KAZN: variants seen among roughly 807,000 people sequenced by gnomAD.
KAZN encodes the protein kazrin.
In KAZN, 40 loss-of-function variants were observed where a neutral mutation model predicts 87.4. That is an observed-to-expected ratio of 0.46 (90% CI 0.36 to 0.60). KAZN has a LOEUF of 0.60. Among genes scored for constraint, KAZN ranks in the 20% least tolerant of loss-of-function variants. The probability of loss-of-function intolerance (pLI) is 0.00; values close to 1 mark genes in which losing one functional copy is unlikely to be tolerated. For synonymous variants in KAZN, 466 were observed against 458.3 expected, an observed-to-expected ratio of 1.02 and a Z score of -0.22; for missense variants, 898 against 1,073.9, an observed-to-expected ratio of 0.84 and a Z score of 2.29.
intron 2 of KAZN, among the ~76,000 whole-genome samples, chr1:14,570,383 A>G (rs1402823415): frequency 1.3e-5 from 2 of 152,048 alleles, no homozygotes; most frequent in Non-Finnish European, 2.9e-5. Context: ...GTACCTTTTT[A>G]CCCTCCTCCT....
intron 1 of KAZN, among the ~76,000 whole-genome samples, chr1:14,658,985 T>C (rs1638980904): frequency 6.6e-6 from 1 of 152,202 alleles, no homozygotes; most frequent in South Asian, 2.1e-4. Flanking sequence ...ACGCCTGTAA[T>C]CTCAGCACTT....
chr1:14,866,073 A>C (rs1651419579), intron 1 of KAZN, among the ~76,000 whole-genome samples: 1 of 152,100 alleles, frequency 6.6e-6, no homozygotes, highest in African/African-American at 2.4e-5. Flanking sequence ...TTGTTATAGC[A>C]GCCCTGGGAA....
intron 1 of KAZN, among the ~76,000 whole-genome samples, chr1:14,133,385 G>GAAAGAAAT (rs1645038540): frequency 4.0e-5 from 1 of 24,826 alleles, no homozygotes; most frequent in Non-Finnish European, 6.1e-5. Flanking sequence ...AAAAAAGAAA[G>GAAAGAAAT]AAAGAAAGAA....
intron 1 of KAZN, chr1:14,924,654 C>A: frequency 1.2e-6 from 1 of 806,488 alleles, no homozygotes. Context: ...CGAGGGCGCT[C>A]GGAGCCGGGA....
chr1:14,414,703 G>C lies in KAZN; in HGVS notation c.250-184280G>C, dbSNP rs541994601. 2.6e-5 allele frequency among the ~76,000 whole-genome samples: 4 copies of C among 152,212 alleles called. No individual in the cohort carries two copies. In the South Asian group the frequency reaches 8.3e-4, roughly 32 times the overall value. On this transcript the variant is annotated intron_variant, in intron 2 of 16. Transcript: ENST00000636203. ...AGGGATGATAAACATCAATCCCTCTGGGAGAGTTGGAGGAGAATAAGATCA... is the reference window on the plus strand; with the variant it reads ...AGGGATGATAAACATCAATCCCTCTCGGAGAGTTGGAGGAGAATAAGATCA...
intron 1 of KAZN, among the ~76,000 whole-genome samples, chr1:14,693,611 T>C (rs1641443109): frequency 6.6e-6 from 1 of 152,216 alleles, no homozygotes; most frequent in African/African-American, 2.4e-5. Context: ...TGACCTTCCC[T>C]CTTCTTCCAT....
chr1:14,422,289 G>C (rs899634513), intron 2 of KAZN, among the ~76,000 whole-genome samples: 1 of 152,178 alleles, frequency 6.6e-6, no homozygotes, highest in Admixed American at 6.5e-5. Context: ...TCAGCTATCT[G>C]CCCTAAAAAC....
chr1:14,483,747 C>T (rs1441780759), intron 2 of KAZN, among the ~76,000 whole-genome samples: 2 of 152,164 alleles, frequency 1.3e-5, no homozygotes, highest in Non-Finnish European at 2.9e-5. Flanking sequence ...GTTTCCTTTG[C>T]TGTACAGAGA....
chr1:14,536,139 C>T (rs1352467368), intron 2 of KAZN, among the ~76,000 whole-genome samples: 1 of 152,164 alleles, frequency 6.6e-6, no homozygotes, highest in Non-Finnish European at 1.5e-5. Context: ...GGGCATGAGT[C>T]ACAAATAATT....
intron 2 of KAZN, among the ~76,000 whole-genome samples, chr1:14,476,188 C>CTTGG (rs999624488): frequency 1.7e-4 from 26 of 152,120 alleles, no homozygotes; most frequent in African/African-American, 5.8e-4. Context: ...TAGGCTGCTC[C>CTTGG]TTGGTTGGTT....
intron 1 of KAZN, among the ~76,000 whole-genome samples, chr1:14,777,975 G>C (rs116817540): frequency 6.6e-6 from 1 of 151,988 alleles, no homozygotes; most frequent in Non-Finnish European, 1.5e-5. Flanking sequence ...GGTCACTCTC[G>C]CCACCATCTT....
intron 1 of KAZN, among the ~76,000 whole-genome samples, chr1:14,623,270 A>G (rs1007653599): frequency 6.6e-6 from 1 of 152,264 alleles, no homozygotes; most frequent in African/African-American, 2.4e-5. Context: ...CATGCACACC[A>G]TGGAATACTA....
intron 1 of KAZN, among the ~76,000 whole-genome samples, chr1:14,897,027 T>C (rs2101216667): frequency 6.6e-6 from 1 of 152,324 alleles, no homozygotes; most frequent in Non-Finnish European, 1.5e-5. Flanking sequence ...CAAAGGTGTT[T>C]ATTAGGTCAA....
At chr1:14,988,956 G>A (rs981427394) in intron 2 of KAZN, among the ~76,000 whole-genome samples, 2 of 152,200 alleles carry the variant, frequency 1.3e-5, no homozygotes, top group African/African-American at 4.8e-5. Context: ...ACCTTGTCTG[G>A]TAGCTGCAGT....
In KAZN at chr1:14,065,483, GT is replaced by G. The variant is rs1642972279; in HGVS notation, c.92-114947del. On this transcript the variant is annotated intron_variant, in intron 1 of 16. Transcript: ENST00000636203. ...GCTAAAAGCATAATTTGAATCTTTT[GT>G]TTTTCTTTTCCTATATTTCTAAGCA... Among the ~76,000 whole-genome samples the G allele has an allele frequency of 2.0e-5, 3 of 150,214 alleles. No individual in the cohort carries two copies. The South Asian group carries it at 6.4e-4, about 32-fold the overall frequency.
At chr1:14,983,305 G>T (rs952612884) in intron 2 of KAZN, among the ~76,000 whole-genome samples, 7 of 152,204 alleles carry the variant, frequency 4.6e-5, no homozygotes, top group Non-Finnish European at 1.0e-4. Flanking sequence ...CGGACTTGAC[G>T]CTAGAGCCGG....
chr1:14,369,016 C>T (rs1054474672), intron 2 of KAZN, among the ~76,000 whole-genome samples: 14 of 152,134 alleles, frequency 9.2e-5, no homozygotes, highest in African/African-American at 3.1e-4. Flanking sequence ...TAATAGGGAG[C>T]GCTGGGCTTC....
At chr1:14,880,706 A>G (rs1039771801) in intron 1 of KAZN, among the ~76,000 whole-genome samples, 3 of 152,284 alleles carry the variant, frequency 2.0e-5, no homozygotes, top group East Asian at 3.9e-4. Context: ...TGCCAACTGG[A>G]CTGCCTGCTT....
Position 14,735,034 on chromosome 1 carries a change from C to T in KAZN, c.226+135811C>T, listed in dbSNP as rs1643854826. Among the ~76,000 whole-genome samples the T allele has an allele frequency of 6.6e-6, 1 of 152,172 alleles. No individual in the cohort carries two copies. ...GGATGTGCGTCTTGGTTTTGGGGAG[C>T]ACAGGATGCTAAATGGTCATGCTGG... On this transcript the variant is annotated intron_variant, in intron 1 of 14. Transcript: ENST00000376030. The surrounding 1 kb of genome is among the most constrained non-coding windows in gnomAD (Gnocchi z 4.3).
Sources: allele counts gnomAD v4.1 joint callset (sites outside exome capture counted in the v4.1 genomes callset), GRCh38; gene constraint gnomAD v4.1.1; non-coding constraint Gnocchi (gnomAD v3.1); transcripts MANE v1.5; gene names NCBI Gene and HGNC (gene_info 2026-07-23, HGNC 2026-07-21).